The following YPEL4 variants were observed in gnomAD, a reference collection of about 807,000 sequenced individuals.
The protein encoded by YPEL4 is yippee like 4, also known as protein yippee-like 4.
Under a neutral mutation model 16.3 loss-of-function variants are expected in YPEL4, and 5 were observed. The ratio of observed to expected loss-of-function variants is 0.31; its 90% confidence interval spans 0.16 to 0.64. YPEL4 has a LOEUF of 0.64. YPEL4 is among the 30% of genes least tolerant of loss of function. The probability of loss-of-function intolerance (pLI) is 0.79; values close to 1 mark genes in which losing one functional copy is unlikely to be tolerated. For missense variants in YPEL4, 127 were observed against 170.0 expected (o/e 0.75, Z 1.41); for synonymous variants, 61 against 60.7 (o/e 1.00, Z -0.02).
chr11:57,646,516 T>G (rs1319104825), intron 3 of YPEL4, 111 bp from the exon 4 acceptor site: 5 of 1,326,294 alleles, frequency 3.8e-6, no homozygotes, highest in Non-Finnish European at 5.3e-6. Flanking sequence ...AGCCCCTGCC[T>G]TTGATAATCC....
In YPEL4 at chr11:57,645,983, A is replaced by G. The variant is rs148273997; in HGVS notation, c.382T>C (p.Ter128ArgextTer54). Residue 128 changes from the stop codon to arginine (R), a stop_lost, in exon 5 of 5, where the codon TGA (stop) becomes CGA (arginine). Transcript: ENST00000300022. ...AGGGCACACCCTGCCTGAGCCCCTC[A>G]GTCCCAGCCGTTGTCCTTCACCATG... ...SHMVKDNGWD* is the reference protein window; with the variant it reads ...SHMVKDNGWDR 6 of 1,613,894 alleles carry G rather than the reference A, an allele frequency of 3.7e-6. No individual in the cohort carries two copies. The highest frequency in any genetic ancestry group is 4.2e-6 in the Non-Finnish European group (5 of 1,179,988).
At chr11:57,646,612 T>C (rs1343139639) in intron 3 of YPEL4, 139 bp downstream of exon 3, 5 of 1,355,848 alleles carry the variant, frequency 3.7e-6, no homozygotes, top group Non-Finnish European at 5.1e-6. Context: ...GAACTTCAGA[T>C]TGAGACCCTC....
intron 3 of YPEL4, 33 bp from the exon 4 acceptor site, chr11:57,646,438 A>C (rs778443198): frequency 4.8e-5 from 78 of 1,612,348 alleles, no homozygotes; most frequent in Non-Finnish European, 6.4e-5. Context: ...CCCAGCACCC[A>C]GTGGGGTTGC....
intron 3 of YPEL4, 68 bp downstream of exon 3, chr11:57,646,683 T>G: frequency 6.3e-7 from 1 of 1,593,364 alleles, no homozygotes; most frequent in Non-Finnish European, 8.6e-7. Context: ...CCCCCCTTTC[T>G]CCACAGAGGA....
intron 2 of YPEL4, 73 bp from the exon 3 acceptor site, chr11:57,646,867 T>C: frequency 3.1e-6 from 5 of 1,601,550 alleles, no homozygotes; most frequent in Non-Finnish European, 4.3e-6. Flanking sequence ...CGCAGGGGTG[T>C]GTAGGAGAGA....
Position 57,647,007 on chromosome 11 carries a change from C to T in YPEL4, c.101G>A (p.Cys34Tyr). ...ATCGTGTTTGGCCAGGTGTGCACGG[C>T]AGTGGACACAGCTGTAAGTGCGGTG... ...RCHRTYSCVHCRAHLAKHDEL... is the reference protein window; with the variant it reads ...RCHRTYSCVHYRAHLAKHDEL... The change falls in exon 2 of 5, where the codon TGC becomes TAC. Residue 34 changes from cysteine to tyrosine, a missense_variant. Cys to Tyr is a radical substitution (Grantham distance 194). Transcript: ENST00000300022. The surrounding 1 kb of genome is among the most constrained non-coding windows in gnomAD (Gnocchi z 4.2). 6.3e-7 allele frequency: 1 copy of T among 1,595,008 alleles called. No individual in the cohort carries two copies.
chr11:57,647,256 C>T lies in YPEL4; in HGVS notation c.-149G>A, dbSNP rs1260913016. 9.1e-6 allele frequency: 10 copies of T among 1,095,938 alleles called. No homozygotes were observed. In the African/African-American group the frequency reaches 1.1e-4, roughly 12 times the overall value. The allele number at this position is 1,095,938 out of a possible 1,614,324, so 67.9% of individuals were successfully genotyped here. ...TGTTGGGGGGCTGCCCGGCCAGGGC[C>T]CCCCCAGACGAGAACCAGATAGAAA... is the stretch of plus-strand genomic sequence containing the variant. On this transcript the variant is annotated 5_prime_UTR_variant, in exon 2 of 5. Coordinates refer to ENST00000300022, the MANE Select transcript of YPEL4 (RefSeq NM_145008.3). This position sits in a 1 kb window ranked among gnomAD's most constrained non-coding sequence, Gnocchi z 4.2.
In YPEL4 at chr11:57,647,321, G is replaced by A. The variant is rs1299532151; in HGVS notation, c.-184-30C>T. 4 of 562,436 alleles carry A rather than the reference G, an allele frequency of 7.1e-6. No homozygotes were observed. Among genetic ancestry groups the A allele is most frequent in the African/African-American group, 5.8e-5 (3 of 51,500 alleles). The allele number at this position is 562,436 out of a possible 1,614,324, so 34.8% of individuals were successfully genotyped here. On this transcript the variant is annotated intron_variant, in intron 1 of 4. Transcript: ENST00000300022. The surrounding 1 kb of genome is among the most constrained non-coding windows in gnomAD (Gnocchi z 4.2). ...GAAGAGGGGAAAGGACATCAGGGGA[G>A]CTGCGACCTCAGGAGGACCCCTCCT... is the stretch of plus-strand genomic sequence containing the variant.
Position 57,646,220 on chromosome 11 carries a change from C to A in YPEL4, c.294+77G>T. The stretch of plus-strand genomic sequence containing the variant: ...CCTCTTTGGACCATGCAAGGAAGGA[C>A]CTGACATGGTCACTGGTGCTTGAAG... On this transcript the variant is annotated intron_variant, in intron 4 of 4. Coordinates refer to ENST00000300022, the MANE Select transcript of YPEL4 (RefSeq NM_145008.3). 1.9e-6 allele frequency: 3 copies of A among 1,584,800 alleles called. No individual in the cohort carries two copies. The South Asian group carries it at 3.3e-5, about 18-fold the overall frequency.
chr11:57,647,111 G>A lies in YPEL4; in HGVS notation c.-4C>T, dbSNP rs372464629. The A allele has an allele frequency of 6.4e-6, 10 of 1,566,422 alleles. 1 individual carries two copies. Among genetic ancestry groups the A allele is most frequent in the South Asian group, 5.9e-5 (5 of 84,924 alleles). Reference sequence around the variant, plus strand: ...GACCGGGGTCACAGCTGGGCATGACGGGCTGGAGGACAATGCCCTGGTGGG... The same window carrying A: ...GACCGGGGTCACAGCTGGGCATGACAGGCTGGAGGACAATGCCCTGGTGGG... On this transcript the variant is annotated 5_prime_UTR_variant, in exon 2 of 5. Coordinates refer to ENST00000300022, the MANE Select transcript of YPEL4 (RefSeq NM_145008.3). This position sits in a 1 kb window ranked among gnomAD's most constrained non-coding sequence, Gnocchi z 4.2.
chr11:57,646,542 G>A, intron 3 of YPEL4, 137 bp from the exon 4 acceptor site: 1 of 1,205,414 alleles, frequency 8.3e-7, no homozygotes, highest in Admixed American at 2.2e-5. Context: ...TTTAAGACTA[G>A]AGCCTGGGCC....
chr11:57,646,703 A>G (rs1197015439), intron 3 of YPEL4, 48 bp downstream of exon 3: 2 of 1,608,110 alleles, frequency 1.2e-6, no homozygotes, highest in African/African-American at 2.7e-5. Context: ...AAAATTACTC[A>G]CTCACACACA....
Position 57,646,053 on chromosome 11 carries a change from C to A in YPEL4, c.312G>T (p.Thr104=). ...LGWKYEQAFE[T]SQKYKEGKYI... is the part of the protein sequence containing the mutation. ...ATTTCCCTTCCTTGTACTTCTGGCT[C>A]GTCTCAAAAGCTTGCTCCTGGTGAA... Residue 104 remains threonine, a synonymous_variant, in exon 5 of 5, where the codon ACG becomes ACT. Coordinates refer to ENST00000300022, the MANE Select transcript of YPEL4 (RefSeq NM_145008.3). 6.2e-7 allele frequency: 1 copy of A among 1,614,146 alleles called. No individual in the cohort carries two copies. The highest frequency in any genetic ancestry group is 8.5e-7 in the Non-Finnish European group (1 of 1,180,038).
rs763247413 is a variant in YPEL4 at position 57,646,948 on chromosome 11, A to T, written c.141+19T>A. ...TGGTGCGCGAGAGGAGGGGAATGGC[A>T]GGTCCCCGCTTCGCGTACCTTGGAA... On this transcript the variant is annotated intron_variant, in intron 2 of 4. Transcript: ENST00000300022. 18 of 1,567,742 alleles carry T rather than the reference A, an allele frequency of 1.1e-5. No individual in the cohort carries two copies. The Admixed American group carries it at 3.4e-4, about 30-fold the overall frequency.
intron 2 of YPEL4, 32 bp downstream of exon 2, chr11:57,646,935 G>A (rs1365440371): frequency 2.5e-6 from 4 of 1,570,794 alleles, no homozygotes; most frequent in Non-Finnish European, 1.7e-6. Context: ...GTGCGCGAGA[G>A]GAGGGGAATG....
In YPEL4 at chr11:57,647,261, C is replaced by A. The variant is rs910356790; in HGVS notation, c.-154G>T. The A allele has an allele frequency of 7.7e-6, 8 of 1,039,336 alleles. No homozygotes were observed. Among genetic ancestry groups the A allele is most frequent in the Non-Finnish European group, 1.1e-5 (8 of 751,722 alleles). 64.4% of individuals were successfully genotyped at this position (1,039,336 alleles called of 1,614,324 possible). Reference sequence around the variant, plus strand: ...GGGGGCTGCCCGGCCAGGGCCCCCCCAGACGAGAACCAGATAGAAATAGAA... The same window carrying A: ...GGGGGCTGCCCGGCCAGGGCCCCCCAAGACGAGAACCAGATAGAAATAGAA... On this transcript the variant is annotated 5_prime_UTR_variant, in exon 2 of 5. Coordinates refer to ENST00000300022, the MANE Select transcript of YPEL4 (RefSeq NM_145008.3). The surrounding 1 kb of genome is among the most constrained non-coding windows in gnomAD (Gnocchi z 4.2).
chr11:57,648,882 CCACCTTGAAA>C (rs1339243970), intron 1 of YPEL4: 1 of 152,230 alleles, frequency 6.6e-6, no homozygotes, highest in Admixed American at 6.5e-5. Flanking sequence ...CTGACATGCA[CCACCTTGAAA>C]CACCTTCTTC....
chr11:57,647,886 T>C lies in YPEL4; in HGVS notation c.-184-595A>G, dbSNP rs1945751647. 6.6e-6 allele frequency: 1 copy of C among 152,088 alleles called. No individual in the cohort carries two copies. The highest frequency in any genetic ancestry group is 1.5e-5 in the Non-Finnish European group (1 of 68,048). The allele number at this position is 152,088 out of a possible 1,614,324, so 9.4% of individuals were successfully genotyped here. Reference sequence around the variant, plus strand: ...GTGCTCTGGGACTCTTCACTAGAACTTTATAGATGTTTCCAACAGTACCAA... The same window carrying C: ...GTGCTCTGGGACTCTTCACTAGAACCTTATAGATGTTTCCAACAGTACCAA... On this transcript the variant is annotated intron_variant, in intron 1 of 4. Transcript: ENST00000300022. The surrounding 1 kb of genome is among the most constrained non-coding windows in gnomAD (Gnocchi z 4.2).
chr11:57,647,089 C>G lies in YPEL4; in HGVS notation c.19G>C (p.Gly7Arg), dbSNP rs1057013179. 2 of 1,586,462 alleles carry G rather than the reference C, an allele frequency of 1.3e-6. No homozygotes were observed. The highest frequency in any genetic ancestry group is 1.7e-6 in the Non-Finnish European group (2 of 1,168,838). Reference sequence around the variant, plus strand: ...GTGGGGAGGCAGGCAGGGCCCGGACCGGGGTCACAGCTGGGCATGACGGGC... The same window carrying G: ...GTGGGGAGGCAGGCAGGGCCCGGACGGGGGTCACAGCTGGGCATGACGGGC... The part of the protein sequence containing the change: MPSCDP[G>R]PGPACLPTKT... Residue 7 changes from glycine (G) to arginine (R), a missense_variant, in exon 2 of 5, where the codon GGT becomes CGT. Physicochemically the swap from Gly to Arg is moderately radical, Grantham distance 125 (BLOSUM62 -2). Transcript: ENST00000300022. The surrounding 1 kb of genome is among the most constrained non-coding windows in gnomAD (Gnocchi z 4.2).
Sources: allele counts gnomAD v4.1 joint callset, GRCh38; gene constraint gnomAD v4.1.1; non-coding constraint Gnocchi (gnomAD v3.1); transcripts MANE v1.5; gene names NCBI Gene and HGNC (gene_info 2026-07-23, HGNC 2026-07-21).